The following EIF2B3 variants were observed in gnomAD, a reference collection of about 807,000 sequenced individuals.
EIF2B3 encodes the protein eukaryotic translation initiation factor 2B subunit gamma.
In EIF2B3, 20 loss-of-function variants were observed where a neutral mutation model predicts 54.1. The ratio of observed to expected loss-of-function variants is 0.37; its 90% CI spans 0.26 to 0.54. The LOEUF is 0.54. Among genes scored for constraint, EIF2B3 ranks in the 20% least tolerant of loss-of-function variants. EIF2B3 has a pLI of 0.86. For synonymous variants in EIF2B3, 153 were observed against 188.1 expected, an observed-to-expected ratio of 0.81 and a Z score of 1.52; for missense variants, 448 against 547.8, an observed-to-expected ratio of 0.82 and a Z score of 1.82.
chr1:44,945,692 CCTA>C (rs1644094491), intron 3 of EIF2B3, among the ~76,000 whole-genome samples: 3 of 151,902 alleles, frequency 2.0e-5, no homozygotes, highest in Admixed American at 2.0e-4. Context: ...CCTGCAGAAT[CCTA>C]CTTAGAACAA....
At position 44,869,593 on chromosome 1, in the gene EIF2B3, C is replaced by CTTTTT. The variant is rs60006087; in HGVS notation, c.1202+5080_1202+5084dup. Among the ~76,000 whole-genome samples the CTTTTT allele has an allele frequency of 1.1e-3, 78 of 71,230 alleles. 1 individual carries two copies. The highest frequency in any genetic ancestry group is 1.9e-3 in the East Asian group (4 of 2,160). 46.7% of individuals were successfully genotyped at this position (71,230 alleles called of 152,430 possible). ...AAAATCAGGCACAAAGAGGTAAGGC[C>CTTTTT]TTTTTTTTTTTTTTTTTTTTTTTTT... On this transcript the variant is annotated intron_variant, in intron 10 of 11. Coordinates refer to ENST00000360403, the MANE Select transcript of EIF2B3 (RefSeq NM_020365.5).
intron 10 of EIF2B3, among the ~76,000 whole-genome samples, chr1:44,867,690 G>A (rs1654825115): frequency 6.6e-6 from 1 of 152,006 alleles, no homozygotes; most frequent in African/African-American, 2.4e-5. Flanking sequence ...ATGGGAAAAA[G>A]TTCATATGGG....
At chr1:44,902,513 G>T (rs1482439248) in intron 5 of EIF2B3, among the ~76,000 whole-genome samples, 8 of 151,496 alleles carry the variant, frequency 5.3e-5, no homozygotes, top group Non-Finnish European at 4.4e-5. Context: ...TTAAAAAAAA[G>T]AAAAAAAGAA....
intron 4 of EIF2B3, among the ~76,000 whole-genome samples, chr1:44,938,928 T>C (rs1332338666): frequency 6.6e-6 from 1 of 151,712 alleles, no homozygotes; most frequent in Non-Finnish European, 1.5e-5. Context: ...TGTGAAACCC[T>C]GTGCCTACAA....
At chr1:44,904,499 C>G (rs987111710) in intron 5 of EIF2B3, among the ~76,000 whole-genome samples, 1 of 152,158 alleles carries the variant, frequency 6.6e-6, no homozygotes, top group African/African-American at 2.4e-5. Context: ...CAGATAATCA[C>G]CTTCTACTTT....
In EIF2B3 at chr1:44,914,309, C is replaced by T. The variant is rs574404301; in HGVS notation, c.566+12319G>A. Among the ~76,000 whole-genome samples, 20 of 151,870 alleles carry T rather than the reference C, an allele frequency of 1.3e-4. No homozygotes were observed. The East Asian group carries it at 1.8e-3, about 13-fold the overall frequency. On this transcript the variant is annotated intron_variant, in intron 5 of 11. Transcript: ENST00000360403. ...CCAAGTAGCTGGGATTACAGGTGTG[C>T]GCCACCATGCCTGGGTAATTTTTTG...
chr1:44,876,598 GC>G (rs1655164271), intron 8 of EIF2B3, among the ~76,000 whole-genome samples: 1 of 34,082 alleles, frequency 2.9e-5, no homozygotes, highest in African/African-American at 1.5e-4. Context: ...CACCCGGCCA[GC>G]CGCCCCATCC....
chr1:44,903,175 T>C (rs559796516), intron 5 of EIF2B3, among the ~76,000 whole-genome samples: 5 of 152,122 alleles, frequency 3.3e-5, no homozygotes, highest in Non-Finnish European at 7.4e-5. Context: ...CTGTGAACGA[T>C]AGAGCTAGGG....
At chr1:44,935,012 T>C (rs979508905) in intron 4 of EIF2B3, among the ~76,000 whole-genome samples, 1 of 152,228 alleles carries the variant, frequency 6.6e-6, no homozygotes, top group African/African-American at 2.4e-5. Context: ...GACAGCCAAG[T>C]AAGAGTTTTC....
chr1:44,897,932 C>T (rs1448271962), intron 5 of EIF2B3, among the ~76,000 whole-genome samples: 2 of 151,818 alleles, frequency 1.3e-5, no homozygotes, highest in East Asian at 1.9e-4. Context: ...GATGGGGTTT[C>T]ACCATGTTGG....
chr1:44,957,718 G>A lies in EIF2B3; in HGVS notation c.295-16053C>T, dbSNP rs142608343. 5.4e-3 allele frequency among the ~76,000 whole-genome samples: 826 copies of A among 152,062 alleles called. 3 individuals carry two copies. Among genetic ancestry groups the A allele is most frequent in the African/African-American group, 0.013 (544 of 41,498 alleles). On this transcript the variant is annotated intron_variant, in intron 3 of 11. Transcript: ENST00000360403. Reference sequence around the variant, plus strand: ...GAAGGCTGCAGTGAGCTGAGATTGCGCCATTGCATTCCAGCCTGGATGACA... The same window carrying A: ...GAAGGCTGCAGTGAGCTGAGATTGCACCATTGCATTCCAGCCTGGATGACA...
intron 3 of EIF2B3, among the ~76,000 whole-genome samples, chr1:44,957,124 G>A (rs1474554166): frequency 2.0e-5 from 3 of 152,096 alleles, no homozygotes; most frequent in Admixed American, 6.6e-5. Context: ...AAATTAGCCG[G>A]GTATGGTGAC....
At chr1:44,935,405 T>C (rs1643936489) in intron 4 of EIF2B3, among the ~76,000 whole-genome samples, 1 of 152,242 alleles carries the variant, frequency 6.6e-6, no homozygotes, top group Non-Finnish European at 1.5e-5. Context: ...GTTTAAGATA[T>C]ATATGCATAT....
chr1:44,958,550 T>C, intron 3 of EIF2B3: 2 of 1,391,892 alleles, frequency 1.4e-6, no homozygotes, highest in South Asian at 2.3e-5. Context: ...GACCTCACTA[T>C]CCTATTATGT....
intron 5 of EIF2B3, among the ~76,000 whole-genome samples, chr1:44,915,070 AG>A (rs1204531534): frequency 6.6e-6 from 1 of 151,462 alleles, no homozygotes; most frequent in Admixed American, 6.6e-5. Flanking sequence ...AGGCCGAGGC[AG>A]GTAGATCATT....
At chr1:44,970,874 G>T (rs755146335) in intron 3 of EIF2B3, among the ~76,000 whole-genome samples, 2 of 152,146 alleles carry the variant, frequency 1.3e-5, no homozygotes, top group African/African-American at 2.4e-5. Flanking sequence ...GATTTCAGGG[G>T]CTATTGTAGT....
At chr1:44,877,110 G>A (rs1655191530) in intron 8 of EIF2B3, among the ~76,000 whole-genome samples, 1 of 137,988 alleles carries the variant, frequency 7.2e-6, no homozygotes, top group South Asian at 2.4e-4. Context: ...TTGTTCACTT[G>A]TTTATCTGCT....
At chr1:44,899,457 T>G (rs962474291) in intron 5 of EIF2B3, among the ~76,000 whole-genome samples, 1 of 152,136 alleles carries the variant, frequency 6.6e-6, no homozygotes, top group African/African-American at 2.4e-5. Flanking sequence ...ATATCAAGCA[T>G]CTATAAAGAA....
chr1:44,978,581 G>A (rs774322750), intron 2 of EIF2B3, 121 bp from the exon 3 acceptor site: 3 of 776,248 alleles, frequency 3.9e-6, no homozygotes, highest in Non-Finnish European at 5.7e-6. Context: ...ATATTATTGT[G>A]CCTTTTCAAT....
Sources: allele counts gnomAD v4.1 joint callset (sites outside exome capture counted in the v4.1 genomes callset), GRCh38; gene constraint gnomAD v4.1.1; transcripts MANE v1.5; gene names NCBI Gene and HGNC (gene_info 2026-07-23, HGNC 2026-07-21).